Variants in XIRP2 observed in about 807,000 individuals in gnomAD.
XIRP2 encodes the protein xin actin binding repeat containing 2, also known as xin actin-binding repeat-containing protein 2.
Under a neutral mutation model 277.0 loss-of-function variants are expected in XIRP2, and 236 were observed. That is an observed-to-expected ratio of 0.85 (90% CI 0.77 to 0.95). XIRP2 has a LOEUF of 0.95. Among genes scored for constraint, XIRP2 ranks in the 40% least tolerant of loss-of-function variants. The probability of loss-of-function intolerance (pLI) is 0.00; values close to 1 mark genes in which losing one functional copy is unlikely to be tolerated. For synonymous variants in XIRP2, 1,490 were observed against 1,416.5 expected (o/e 1.05, Z -1.17); for missense variants, 4,640 against 4,157.5 (o/e 1.12, Z -3.19).
intron 2 of XIRP2, among the ~76,000 whole-genome samples, chr2:167,128,786 C>G (rs1443776953): frequency 6.6e-6 from 1 of 152,128 alleles, no homozygotes; most frequent in East Asian, 1.9e-4. Flanking sequence ...TTTATTATCA[C>G]ACTCTTTTTT....
intron 2 of XIRP2, among the ~76,000 whole-genome samples, chr2:166,922,020 A>G (rs1292949576): frequency 1.3e-5 from 2 of 152,158 alleles, no homozygotes; most frequent in African/African-American, 4.8e-5. Context: ...TGCTTCTTTC[A>G]TTGGCCTTTT....
chr2:167,243,764 T>C lies in XIRP2; in HGVS notation c.2372T>C (p.Val791Ala), dbSNP rs755594067. The C allele has an allele frequency of 8.7e-6, 14 of 1,613,886 alleles. No homozygotes were observed. In the African/African-American group the frequency reaches 1.7e-4, roughly 20 times the overall value. The change falls in exon 9 of 11, where the codon GTT (valine) becomes GCT (alanine). Residue 791 changes from valine to alanine, a missense_variant. Val to Ala is a moderately conservative substitution (Grantham distance 64). Transcript: ENST00000409195. The stretch of plus-strand genomic sequence containing the variant: ...AACAAAGATATCACAGAAATTAAAG[T>C]TGTCCGAGGAATATCCATGGAAGAA... ...TINKDITEIK[V>A]VRGISMEENV...
intron 2 of XIRP2, among the ~76,000 whole-genome samples, chr2:167,065,590 T>C (rs1429862430): frequency 6.6e-6 from 1 of 151,890 alleles, no homozygotes; most frequent in Non-Finnish European, 1.5e-5. Flanking sequence ...CAAGAAGTTA[T>C]TGCTAAATCC....
At chr2:167,176,246 T>G (rs1487771991) in intron 3 of XIRP2, among the ~76,000 whole-genome samples, 3 of 152,184 alleles carry the variant, frequency 2.0e-5, no homozygotes, top group African/African-American at 2.4e-5. Context: ...GGGCCTTCTC[T>G]TGGCCAGGGG....
At chr2:167,094,638 G>A (rs1333638305) in intron 2 of XIRP2, among the ~76,000 whole-genome samples, 1 of 152,064 alleles carries the variant, frequency 6.6e-6, no homozygotes, top group Non-Finnish European at 1.5e-5. Flanking sequence ...GATATGTGGT[G>A]TTATTTCTGA....
Position 167,121,041 on chromosome 2 carries a change from A to G in XIRP2, c.409-14868A>G, listed in dbSNP as rs182638921. Among the ~76,000 whole-genome samples, 17 of 152,304 alleles carry G rather than the reference A, an allele frequency of 1.1e-4. No homozygotes were observed. In the East Asian group the frequency reaches 3.3e-3, roughly 29 times the overall value. ...GATATTATTGTGATTTTACAGATGA[A>G]GAAATGGAAGCCTACAGAGATGAAA... On this transcript the variant is annotated intron_variant, in intron 2 of 10. Transcript: ENST00000409195.
At chr2:166,941,247 G>T (rs1685705607) in intron 2 of XIRP2, among the ~76,000 whole-genome samples, 1 of 152,224 alleles carries the variant, frequency 6.6e-6, no homozygotes, top group Admixed American at 6.5e-5. Flanking sequence ...TCCAAGCCAT[G>T]CATGGGATAT....
In XIRP2 at chr2:167,251,839, A is replaced by T. The variant is rs757691811; in HGVS notation, c.10447A>T (p.Thr3483Ser). 6.2e-7 allele frequency: 1 copy of T among 1,613,164 alleles called. No homozygotes were observed. Among genetic ancestry groups the T allele is most frequent in the South Asian group, 1.1e-5 (1 of 91,008 alleles). Reference protein sequence around the residue: ...PKEVRKNFQKTWQESGRVFKG... With the variant: ...PKEVRKNFQKSWQESGRVFKG... ...AGAAGTAAGAAAAAATTTTCAAAAG[A>T]CGTGGCAAGAGAGTGGAAGAGTTTT... Residue 3483 changes from threonine to serine, a missense_variant, in exon 9 of 11, where the codon ACG (threonine) becomes TCG (serine). Transcript: ENST00000409195.
intron 2 of XIRP2, among the ~76,000 whole-genome samples, chr2:167,090,220 A>G (rs975917153): frequency 6.6e-6 from 1 of 152,158 alleles, no homozygotes; most frequent in Non-Finnish European, 1.5e-5. Context: ...TATTAATAAT[A>G]TAAATTAGTT....
chr2:166,967,288 C>T (rs1292638090), intron 2 of XIRP2, among the ~76,000 whole-genome samples: 1 of 151,862 alleles, frequency 6.6e-6, no homozygotes, highest in African/African-American at 2.4e-5. Context: ...AGGAAAAACC[C>T]ATTGCTTTCA....
rs1174705717 is a variant in XIRP2 at position 167,251,210 on chromosome 2, A to G, written c.9818A>G (p.His3273Arg). The G allele has an allele frequency of 1.2e-6, 2 of 1,613,564 alleles. No individual in the cohort carries two copies. Among genetic ancestry groups the G allele is most frequent in the Non-Finnish European group, 1.7e-6 (2 of 1,179,706 alleles). ...GTGGAGAAGAGAGCTACTTATGTTC[A>G]TAAAGATGGACTAAATTCCACTGAT... is the stretch of plus-strand genomic sequence containing the variant. ...RKVEKRATYV[H>R]KDGLNSTDHM... The change falls in exon 9 of 11, where the codon CAT becomes CGT. Residue 3273 changes from histidine to arginine, a missense_variant. Physicochemically the swap from His to Arg is conservative, Grantham distance 29 (BLOSUM62 0). Transcript: ENST00000409195.
chr2:167,249,191 G>T lies in XIRP2; in HGVS notation c.7799G>T (p.Gly2600Val). Residue 2600 changes from glycine to valine, a missense_variant, in exon 9 of 11, where the codon GGA becomes GTA. Gly to Val is a moderately radical substitution (Grantham distance 109, BLOSUM62 -3). Coordinates refer to ENST00000409195, the MANE Select transcript of XIRP2 (RefSeq NM_152381.6). ...ACCAATGAGGAGGTTTCCCTATCTG[G>T]AATTGATTCAGAATGCACTGTGGTT... ...QKTNEEVSLS[G>V]IDSECTVVQP... 2 of 1,613,614 alleles carry T rather than the reference G, an allele frequency of 1.2e-6. No individual in the cohort carries two copies. The highest frequency in any genetic ancestry group is 1.7e-5 in the Admixed American group (1 of 59,974).
chr2:167,053,212 A>G (rs1217897318), intron 2 of XIRP2, among the ~76,000 whole-genome samples: 1 of 152,238 alleles, frequency 6.6e-6, no homozygotes, highest in Admixed American at 6.5e-5. Flanking sequence ...TACAGCTATA[A>G]TTTAGACAAA....
chr2:167,185,269 C>G lies in XIRP2; in HGVS notation c.563-25466C>G, dbSNP rs1048921513. The stretch of plus-strand genomic sequence containing the variant: ...AACATTTATTGCTCTTAATTATTAC[C>G]AATTATTATACAGTGTTCCACCAAG... On this transcript the variant is annotated intron_variant, in intron 3 of 10. Transcript: ENST00000409195. 2.6e-5 allele frequency among the ~76,000 whole-genome samples: 4 copies of G among 151,946 alleles called. No homozygotes were observed. In the East Asian group the frequency reaches 5.8e-4, roughly 22 times the overall value.
chr2:166,910,610 C>T (rs928981822), intron 2 of XIRP2, among the ~76,000 whole-genome samples: 53 of 152,068 alleles, frequency 3.5e-4, no homozygotes, highest in Admixed American at 8.5e-4. Flanking sequence ...GTCTCTATTT[C>T]CTTCAGTTCT....
intron 2 of XIRP2, among the ~76,000 whole-genome samples, chr2:166,938,936 A>C (rs960958301): frequency 6.6e-6 from 1 of 151,834 alleles, no homozygotes; most frequent in Non-Finnish European, 1.5e-5. Flanking sequence ...TATGTTTTCC[A>C]TTTGCTTGGT....
chr2:166,982,528 A>C (rs984748113), intron 2 of XIRP2, among the ~76,000 whole-genome samples: 1 of 151,650 alleles, frequency 6.6e-6, no homozygotes, highest in African/African-American at 2.4e-5. Flanking sequence ...ATGTTTTTTT[A>C]TTAATTTTTA....
intron 2 of XIRP2, among the ~76,000 whole-genome samples, chr2:167,125,984 C>A (rs2105308712): frequency 6.6e-6 from 1 of 152,270 alleles, no homozygotes; most frequent in East Asian, 1.9e-4. Flanking sequence ...TTGCCTGGGA[C>A]ATCAGTTGGG....
At chr2:167,011,068 T>C (rs2105470288) in intron 2 of XIRP2, among the ~76,000 whole-genome samples, 1 of 151,810 alleles carries the variant, frequency 6.6e-6, no homozygotes, top group South Asian at 2.1e-4. Context: ...TTTATTTCCT[T>C]CTCCTGCCTA....
Sources: allele counts gnomAD v4.1 joint callset (sites outside exome capture counted in the v4.1 genomes callset), GRCh38; gene constraint gnomAD v4.1.1; transcripts MANE v1.5; gene names NCBI Gene and HGNC (gene_info 2026-07-23, HGNC 2026-07-21).